The following KIAA0319L variants were observed in gnomAD, a reference collection of about 807,000 sequenced individuals.
KIAA0319L encodes dyslexia-associated protein KIAA0319-like protein.
A neutral mutation model predicts 120.1 loss-of-function variants in KIAA0319L; 55 were observed. That is an observed-to-expected ratio of 0.46 (90% CI 0.37 to 0.57). The LOEUF is 0.57. Ranked by LOEUF, KIAA0319L falls within the 20% of genes least tolerant of loss-of-function variation. The pLI, the probability that KIAA0319L is intolerant of heterozygous loss-of-function variation, is 0.00. For missense variants in KIAA0319L, 1,049 were observed against 1,255.3 expected (o/e 0.84, Z 2.48); for synonymous variants, 398 against 471.9 (o/e 0.84, Z 2.03).
intron 2 of KIAA0319L, among the ~76,000 whole-genome samples, chr1:35,513,993 T>C (rs1204210972): frequency 1.3e-5 from 2 of 152,220 alleles, no homozygotes; most frequent in African/African-American, 4.8e-5. Context: ...TAAAATCCCC[T>C]CTAAAACAAT....
chr1:35,487,097 T>G (rs766454884), intron 3 of KIAA0319L, among the ~76,000 whole-genome samples: 4 of 152,130 alleles, frequency 2.6e-5, no homozygotes, highest in African/African-American at 4.8e-5. Flanking sequence ...TGGTTTAACG[T>G]TGGACATTCT....
intron 9 of KIAA0319L, among the ~76,000 whole-genome samples, chr1:35,459,731 T>C (rs1399441018): frequency 1.3e-5 from 2 of 152,196 alleles, no homozygotes; most frequent in African/African-American, 4.8e-5. Flanking sequence ...TTAATACAAG[T>C]GCTTTTTAAC....
At chr1:35,496,568 A>G (rs1644813767) in intron 3 of KIAA0319L, among the ~76,000 whole-genome samples, 1 of 152,260 alleles carries the variant, frequency 6.6e-6, no homozygotes, top group Non-Finnish European at 1.5e-5. Flanking sequence ...AAAATCTGGA[A>G]GCAATCCAAT....
intron 2 of KIAA0319L, among the ~76,000 whole-genome samples, chr1:35,541,833 A>C (rs1016860217): frequency 6.6e-6 from 1 of 152,210 alleles, no homozygotes; most frequent in African/African-American, 2.4e-5. Context: ...AGCAGAACAG[A>C]GTCCTCTTCC....
Position 35,433,579 on chromosome 1 carries a change from C to G in KIAA0319L, c.*1315G>C, listed in dbSNP as rs528277304. The G allele has an allele frequency of 6.6e-6, 1 of 152,346 alleles. No homozygotes were observed. Among genetic ancestry groups the G allele is most frequent in the Non-Finnish European group, 1.5e-5 (1 of 68,130 alleles). The allele number at this position is 152,346 out of a possible 1,614,324, so 9.4% of individuals were successfully genotyped here. A position where few individuals can be genotyped will look rare whatever the true frequency, so the allele number is the denominator to read the frequency against. On this transcript the variant is annotated 3_prime_UTR_variant, in exon 21 of 21. Coordinates refer to ENST00000325722, the MANE Select transcript of KIAA0319L (RefSeq NM_024874.5). ...AGTGTCTCTTTAAAAAGTCACTCCC[C>G]CAAAGTTTCCATTCCCCAATACCCA... is the stretch of plus-strand genomic sequence containing the variant.
chr1:35,509,565 TA>T (rs751881727), intron 2 of KIAA0319L, among the ~76,000 whole-genome samples: 36 of 152,262 alleles, frequency 2.4e-4, no homozygotes, highest in South Asian at 4.1e-4. Context: ...CACTAGAAGC[TA>T]GGGGGAGGCA....
Position 35,451,797 on chromosome 1 carries a change from G to A in KIAA0319L, c.1914-21C>T, listed in dbSNP as rs764105235. ...GTCCCCTGCAAAAAAAGAAACTAGA[G>A]GGTAGAGTTGTACCTGTCTGCTGCT... On this transcript the variant is annotated intron_variant, in intron 12 of 20. Coordinates refer to ENST00000325722, the MANE Select transcript of KIAA0319L (RefSeq NM_024874.5). The A allele has an allele frequency of 1.1e-5, 18 of 1,613,380 alleles. No homozygotes were observed. The Admixed American group carries it at 2.8e-4, about 25-fold the overall frequency.
At chr1:35,536,970 T>C (rs1646598016) in intron 2 of KIAA0319L, among the ~76,000 whole-genome samples, 1 of 152,022 alleles carries the variant, frequency 6.6e-6, no homozygotes, top group Non-Finnish European at 1.5e-5. Context: ...ACCTTATGAC[T>C]AAAAGACTCT....
At chr1:35,531,144 A>G (rs1244093631) in intron 2 of KIAA0319L, among the ~76,000 whole-genome samples, 2 of 152,208 alleles carry the variant, frequency 1.3e-5, no homozygotes, top group Non-Finnish European at 2.9e-5. Flanking sequence ...TCCTGTCCTC[A>G]TGGCACATGA....
At chr1:35,492,331 T>A (rs1378116483) in intron 3 of KIAA0319L, among the ~76,000 whole-genome samples, 2 of 151,998 alleles carry the variant, frequency 1.3e-5, no homozygotes, top group Non-Finnish European at 1.5e-5. Context: ...CTGACCAATA[T>A]GGTGAAACCC....
intron 16 of KIAA0319L, among the ~76,000 whole-genome samples, chr1:35,445,305 G>GAAAC (rs765764309): frequency 6.6e-6 from 1 of 152,128 alleles, no homozygotes; most frequent in Non-Finnish European, 1.5e-5. Flanking sequence ...ATCAATTCCA[G>GAAAC]AAACAAACAA....
chr1:35,437,561 A>G lies in KIAA0319L; in HGVS notation c.2963-2480T>C, dbSNP rs929382100. Among the ~76,000 whole-genome samples the G allele has an allele frequency of 5.9e-5, 9 of 151,964 alleles. No homozygotes were observed. Among genetic ancestry groups the G allele is most frequent in the Non-Finnish European group, 1.2e-4 (8 of 68,008 alleles). On this transcript the variant is annotated intron_variant, in intron 20 of 20. Transcript: ENST00000325722. This position sits in a 1 kb window ranked among gnomAD's most constrained non-coding sequence, Gnocchi z 4.1. ...CGCTTTCTAAATCACCTGCGCTTTC[A>G]CTTCCACTGTCACTCCCCACTCTAC...
chr1:35,438,540 T>C (rs1413804953), intron 20 of KIAA0319L: 1 of 146,128 alleles, frequency 6.8e-6, no homozygotes, highest in Admixed American at 6.8e-5. Flanking sequence ...TTTTTTTTTT[T>C]TGAGACAGAG....
chr1:35,463,911 G>C (rs1170204383), intron 7 of KIAA0319L, among the ~76,000 whole-genome samples: 3 of 152,216 alleles, frequency 2.0e-5, no homozygotes, highest in Non-Finnish European at 4.4e-5. Flanking sequence ...TTAAAAACAG[G>C]AGTTACTCTG....
chr1:35,487,496 C>T (rs956800672), intron 3 of KIAA0319L, among the ~76,000 whole-genome samples: 12 of 152,178 alleles, frequency 7.9e-5, no homozygotes, highest in African/African-American at 1.7e-4. Context: ...CTCAAGTGAT[C>T]CACCTGCCTT....
chr1:35,439,988 A>T (rs566853078), intron 20 of KIAA0319L: 1 of 152,280 alleles, frequency 6.6e-6, no homozygotes. Context: ...GGGGGTGAAA[A>T]ACATGATCAG....
At position 35,435,034 on chromosome 1, in the gene KIAA0319L, C is replaced by T. The variant is rs1640672284; in HGVS notation, c.3010G>A (p.Glu1004Lys). 9 of 1,614,192 alleles carry T rather than the reference C, an allele frequency of 5.6e-6. No individual in the cohort carries two copies. Among genetic ancestry groups the T allele is most frequent in the African/African-American group, 1.3e-5 (1 of 75,038 alleles). Residue 1004 changes from glutamate to lysine, a missense_variant, in exon 21 of 21, where the codon GAG (glutamate) becomes AAG (lysine). Glu to Lys is a moderately conservative substitution (Grantham distance 56). Transcript: ENST00000325722. ...GCATCATCGCTGTCCAGCTCTGACTCGGAGTGCATCAGGCTGCTACTTAGC... is the reference window on the plus strand; with the variant it reads ...GCATCATCGCTGTCCAGCTCTGACTTGGAGTGCATCAGGCTGCTACTTAGC... ...LLLSSSLMHS[E>K]SELDSDDAIF...
chr1:35,534,272 A>G (rs976115675), intron 2 of KIAA0319L, among the ~76,000 whole-genome samples: 1 of 152,230 alleles, frequency 6.6e-6, no homozygotes, highest in Non-Finnish European at 1.5e-5. Context: ...GGCTTTGTGT[A>G]CATATTCTGA....
chr1:35,521,414 C>T (rs1307464193), intron 2 of KIAA0319L, among the ~76,000 whole-genome samples: 1 of 151,844 alleles, frequency 6.6e-6, no homozygotes, highest in Non-Finnish European at 1.5e-5. Flanking sequence ...ATGGGGAGAA[C>T]ATGAGGTCAG....
Sources: allele counts gnomAD v4.1 joint callset (sites outside exome capture counted in the v4.1 genomes callset), GRCh38; gene constraint gnomAD v4.1.1; non-coding constraint Gnocchi (gnomAD v3.1); transcripts MANE v1.5; gene names NCBI Gene and HGNC (gene_info 2026-07-23, HGNC 2026-07-21).